Variants in LRRC28 observed in about 807,000 individuals in gnomAD.
The protein encoded by LRRC28 is leucine rich repeat containing 28.
Under a neutral mutation model 45.7 loss-of-function variants are expected in LRRC28, and 39 were observed. That is an observed-to-expected ratio of 0.85 (90% CI 0.66 to 1.12). The LOEUF (loss-of-function observed/expected upper bound fraction) is 1.12. Ranked by LOEUF, LRRC28 falls within the 50% of genes most tolerant of loss-of-function variation. The pLI, the probability that LRRC28 is intolerant of heterozygous loss-of-function variation, is 0.00. For synonymous variants in LRRC28, 206 were observed against 178.8 expected (o/e 1.15, Z -1.22); for missense variants, 435 against 438.5 (o/e 0.99, Z 0.07).
intron 9 of LRRC28, among the ~76,000 whole-genome samples, chr15:99,373,910 T>C (rs1049587396): frequency 6.6e-6 from 1 of 152,218 alleles, no homozygotes; most frequent in Non-Finnish European, 1.5e-5. Context: ...TAAATCTCTG[T>C]TAATATAATT....
At chr15:99,280,493 A>AT (rs888141422) in intron 3 of LRRC28, among the ~76,000 whole-genome samples, 5 of 146,110 alleles carry the variant, frequency 3.4e-5, no homozygotes, top group African/African-American at 7.6e-5. Flanking sequence ...CTTAGTGACC[A>AT]TTTTTTTTGT....
chr15:99,281,470 G>A (rs2081789432), intron 3 of LRRC28, among the ~76,000 whole-genome samples: 1 of 150,996 alleles, frequency 6.6e-6, no homozygotes, highest in South Asian at 2.1e-4. Flanking sequence ...TTATCTTACA[G>A]TTCTTATAAT....
chr15:99,263,778 C>T (rs147828177), intron 2 of LRRC28, among the ~76,000 whole-genome samples: 1 of 152,174 alleles, frequency 6.6e-6, no homozygotes, highest in African/African-American at 2.4e-5. Flanking sequence ...GAGCATCATT[C>T]AATCAGTGTG....
chr15:99,292,195 G>A (rs1430826480), intron 5 of LRRC28, among the ~76,000 whole-genome samples: 1 of 152,088 alleles, frequency 6.6e-6, no homozygotes, highest in Non-Finnish European at 1.5e-5. Flanking sequence ...TGGCTTTTCT[G>A]TTACTGCCTA....
intron 2 of LRRC28, among the ~76,000 whole-genome samples, chr15:99,261,445 A>G (rs2862139): frequency 0.77 from 117,502 of 151,930 alleles, 45,403 homozygotes; most frequent in Middle Eastern, 0.86. Context: ...AGATCAGGGT[A>G]CTAGCAGATT....
At chr15:99,288,071 T>A (rs919983029) in intron 5 of LRRC28, 120 bp downstream of exon 5, 22 of 1,042,724 alleles carry the variant, frequency 2.1e-5, no homozygotes, top group Non-Finnish European at 2.8e-5. Flanking sequence ...TCCATTTGTT[T>A]GAAGATGAAA....
chr15:99,269,812 A>G (rs543303544), intron 2 of LRRC28, among the ~76,000 whole-genome samples: 1 of 152,352 alleles, frequency 6.6e-6, no homozygotes, highest in East Asian at 1.9e-4. Flanking sequence ...CATATTGGAC[A>G]ACACAGATAA....
intron 9 of LRRC28, among the ~76,000 whole-genome samples, chr15:99,372,031 T>G (rs962075505): frequency 1.3e-5 from 2 of 152,234 alleles, no homozygotes; most frequent in African/African-American, 4.8e-5. Flanking sequence ...AGATACAATA[T>G]GTTATTAGAT....
chr15:99,279,904 T>G (rs887994109), intron 3 of LRRC28, among the ~76,000 whole-genome samples: 2 of 152,240 alleles, frequency 1.3e-5, no homozygotes, highest in African/African-American at 4.8e-5. Flanking sequence ...TTTACCAGAT[T>G]AGCTGTTCCA....
rs528428389 is a variant in LRRC28 at position 99,385,695 on chromosome 15, G to A, written c.1032-335G>A. ...TAATGGACTTCAATTCTGTGATTGCGTTGTTGGTTCTAGAAAGCAGAGTTC... is the reference window on the plus strand; with the variant it reads ...TAATGGACTTCAATTCTGTGATTGCATTGTTGGTTCTAGAAAGCAGAGTTC... On this transcript the variant is annotated intron_variant, in intron 9 of 9. Transcript: ENST00000301981. 1.3e-4 allele frequency among the ~76,000 whole-genome samples: 19 copies of A among 150,548 alleles called. No individual in the cohort carries two copies. In the South Asian group the frequency reaches 1.5e-3, roughly 12 times the overall value.
chr15:99,311,613 T>G (rs1955414289), intron 5 of LRRC28, among the ~76,000 whole-genome samples: 1 of 152,216 alleles, frequency 6.6e-6, no homozygotes, highest in South Asian at 2.1e-4. Context: ...ACAGACCCAA[T>G]CTGGTCATTG....
intron 5 of LRRC28, among the ~76,000 whole-genome samples, chr15:99,297,590 A>C (rs1364721117): frequency 1.3e-5 from 2 of 151,742 alleles, no homozygotes; most frequent in Non-Finnish European, 2.9e-5. Context: ...ACCTAAAGTT[A>C]CTTTATTATT....
At chr15:99,270,133 G>A (rs2081435910) in intron 2 of LRRC28, among the ~76,000 whole-genome samples, 1 of 152,204 alleles carries the variant, frequency 6.6e-6, no homozygotes, top group Non-Finnish European at 1.5e-5. Flanking sequence ...TCGTGTACCT[G>A]CTCAGAAGCA....
At chr15:99,358,379 G>T (rs1237988115) in intron 7 of LRRC28, among the ~76,000 whole-genome samples, 12 of 152,154 alleles carry the variant, frequency 7.9e-5, no homozygotes, top group Admixed American at 7.9e-4. Context: ...TCTTAACATA[G>T]AAATCGATGT....
intron 5 of LRRC28, among the ~76,000 whole-genome samples, chr15:99,331,375 C>T (rs903726525): frequency 2.6e-5 from 4 of 152,108 alleles, no homozygotes; most frequent in Non-Finnish European, 4.4e-5. Context: ...GAAGCTTGTG[C>T]CTGTCTTTGA....
chr15:99,257,108 C>T (rs1224475976), intron 2 of LRRC28, among the ~76,000 whole-genome samples: 1 of 152,156 alleles, frequency 6.6e-6, no homozygotes, highest in Non-Finnish European at 1.5e-5. Flanking sequence ...TGTACAATGC[C>T]TATAGTGGGT....
chr15:99,352,695 A>G (rs1191519531), intron 7 of LRRC28, among the ~76,000 whole-genome samples: 5 of 152,212 alleles, frequency 3.3e-5, no homozygotes, highest in Admixed American at 6.5e-5. Context: ...TATTACAGAA[A>G]GAAACACCTT....
intron 6 of LRRC28, among the ~76,000 whole-genome samples, chr15:99,335,909 C>T (rs962831067): frequency 6.6e-6 from 1 of 152,128 alleles, no homozygotes; most frequent in Admixed American, 6.5e-5. Flanking sequence ...ATGCAACTTA[C>T]TGGCATAACA....
intron 2 of LRRC28, among the ~76,000 whole-genome samples, chr15:99,269,271 A>G (rs1567610262): frequency 2.6e-5 from 4 of 152,254 alleles, no homozygotes; most frequent in African/African-American, 9.6e-5. Flanking sequence ...TCTAAGAAAA[A>G]TAATCTAAAA....
Sources: gnomAD v4.1 joint callset for allele counts (sites outside exome capture counted in the v4.1 genomes callset) on GRCh38, gnomAD v4.1.1 for gene constraint, MANE v1.5 for transcripts, NCBI Gene and HGNC (gene_info 2026-07-23, HGNC 2026-07-21) for gene names.